KIRREL3: variants seen among roughly 807,000 people sequenced by gnomAD.
The protein encoded by KIRREL3 is kin of IRRE-like protein 3.
Under a neutral mutation model 89.7 loss-of-function variants are expected in KIRREL3, and 36 were observed. The ratio of observed to expected loss-of-function variants is 0.40; its 90% CI spans 0.31 to 0.53. KIRREL3 has a LOEUF of 0.53. KIRREL3 is among the 20% of genes least tolerant of loss of function. The pLI, the probability that KIRREL3 is intolerant of heterozygous loss-of-function variation, is 0.49. For missense variants in KIRREL3, 864 were observed against 1,056.6 expected (o/e 0.82, Z 2.53); for synonymous variants, 445 against 441.4 (o/e 1.01, Z -0.10).
At position 126,891,597 on chromosome 11, in the gene KIRREL3, C is replaced by CA. The variant is rs1438944210; in HGVS notation, c.55+108857dup. Among the ~76,000 whole-genome samples the CA allele has an allele frequency of 2.0e-5, 3 of 152,220 alleles. No individual in the cohort carries two copies. In the East Asian group the frequency reaches 5.8e-4, roughly 29 times the overall value. ...TGCTATCACTATCACTGTCAGGGAG[C>CA]AAACGGCAGAAGCCAGTCTCAGGGA... is the stretch of plus-strand genomic sequence containing the variant. On this transcript the variant is annotated intron_variant, in intron 1 of 16. Coordinates refer to ENST00000525144, the MANE Select transcript of KIRREL3 (RefSeq NM_032531.4). This position sits in a 1 kb window ranked among gnomAD's most constrained non-coding sequence, Gnocchi z 5.1.
At chr11:126,921,622 CTTCCTATCT>C (rs1565419610) in intron 1 of KIRREL3, among the ~76,000 whole-genome samples, 24,815 of 107,200 alleles carry the variant, frequency 0.23, 6,129 homozygotes, top group African/African-American at 0.45. Context: ...ATCTATCTAT[CTTCCTATCT>C]ATCCATCCAT....
At chr11:126,447,047 C>A (rs532396072) in intron 8 of KIRREL3, among the ~76,000 whole-genome samples, 161 bp from the exon 9 acceptor site, 2 of 152,130 alleles carry the variant, frequency 1.3e-5, no homozygotes, top group South Asian at 2.1e-4. Flanking sequence ...TATGTCCGGG[C>A]GGGGTCTGGG....
At chr11:126,887,632 A>G (rs140759081) in intron 1 of KIRREL3, among the ~76,000 whole-genome samples, 145 of 152,166 alleles carry the variant, frequency 9.5e-4, no homozygotes, top group Admixed American at 2.5e-3. Context: ...AGGGTCCCCA[A>G]TGTGGCCAAG....
Position 126,709,246 on chromosome 11 carries a change from C to A in KIRREL3, c.56-146334G>T, listed in dbSNP as rs1052584576. Among the ~76,000 whole-genome samples, 1 of 152,214 alleles carries A rather than the reference C, an allele frequency of 6.6e-6. No individual in the cohort carries two copies. The highest frequency in any genetic ancestry group is 1.5e-5 in the Non-Finnish European group (1 of 68,030). ...AGTCCTCTTCCTGGCATTCAGAACTCGCCCCAAAATATGGCTGCCTTGACT... is the reference window on the plus strand; with the variant it reads ...AGTCCTCTTCCTGGCATTCAGAACTAGCCCCAAAATATGGCTGCCTTGACT... On this transcript the variant is annotated intron_variant, in intron 1 of 16. Transcript: ENST00000525144. The surrounding 1 kb of genome is among the most constrained non-coding windows in gnomAD (Gnocchi z 4.0).
In KIRREL3 at chr11:126,571,858, G is replaced by A. The variant is rs972227443; in HGVS notation, c.56-8946C>T. Reference sequence around the variant, plus strand: ...TGCCTCAGCCCGTCTCTGATTTAACGTATCTAATTCCAATGAGTTACTTGC... The same window carrying A: ...TGCCTCAGCCCGTCTCTGATTTAACATATCTAATTCCAATGAGTTACTTGC... On this transcript the variant is annotated intron_variant, in intron 1 of 16. Transcript: ENST00000525144. The surrounding 1 kb of genome is among the most constrained non-coding windows in gnomAD (Gnocchi z 7.7). Among the ~76,000 whole-genome samples the A allele has an allele frequency of 1.1e-4, 16 of 152,190 alleles. No homozygotes were observed. Among genetic ancestry groups the A allele is most frequent in the Admixed American group, 2.0e-4 (3 of 15,280 alleles).
At position 126,624,336 on chromosome 11, in the gene KIRREL3, AAAAAC is replaced by A. The variant is rs757657777; in HGVS notation, c.56-61429_56-61425del. On this transcript the variant is annotated intron_variant, in intron 1 of 16. Transcript: ENST00000525144. This position sits in a 1 kb window ranked among gnomAD's most constrained non-coding sequence, Gnocchi z 6.0. ...TCTTCTCCTCTGATTTCCACTAGGA[AAAAAC>A]AAAACAAAACAAAACAAAACCTGAG... 9.9e-5 allele frequency among the ~76,000 whole-genome samples: 15 copies of A among 152,244 alleles called. No homozygotes were observed. In the East Asian group the frequency reaches 1.9e-3, roughly 20 times the overall value.
At position 126,867,724 on chromosome 11, in the gene KIRREL3, TG is replaced by T. The variant is rs750982273; in HGVS notation, c.55+132730del. On this transcript the variant is annotated intron_variant, in intron 1 of 16. Transcript: ENST00000525144. The surrounding 1 kb of genome is among the most constrained non-coding windows in gnomAD (Gnocchi z 4.7). ...TATTTAAAGCTACATTCAGCTAGGA[TG>T]TAAGTTGGCCAGAATCTGAACCCAG... Among the ~76,000 whole-genome samples, 5 of 152,190 alleles carry T rather than the reference TG, an allele frequency of 3.3e-5. No individual in the cohort carries two copies. The highest frequency in any genetic ancestry group is 7.3e-5 in the Non-Finnish European group (5 of 68,028).
intron 5 of KIRREL3, among the ~76,000 whole-genome samples, chr11:126,470,990 T>TA (rs1365923767): frequency 6.6e-6 from 1 of 152,194 alleles, no homozygotes; most frequent in African/African-American, 2.4e-5. Flanking sequence ...GGGGGCTGTT[T>TA]AAAAATGTAC....
chr11:126,430,930 G>A lies in KIRREL3; in HGVS notation c.1696+489C>T. 1.0e-6 allele frequency: 1 copy of A among 1,004,754 alleles called. No individual in the cohort carries two copies. Among genetic ancestry groups the A allele is most frequent in the Non-Finnish European group, 1.2e-6 (1 of 838,058 alleles). 62.2% of individuals were successfully genotyped at this position (1,004,754 alleles called of 1,614,324 possible). On this transcript the variant is annotated intron_variant, in intron 14 of 16. Transcript: ENST00000525144. The surrounding 1 kb of genome is among the most constrained non-coding windows in gnomAD (Gnocchi z 6.6). The stretch of plus-strand genomic sequence containing the variant: ...CACTAGAATTTTATTGGTAATCACT[G>A]AAGACCTTTAAAAGTTTTCTCAAAG...
rs1359663226 is a variant in KIRREL3 at position 126,523,200 on chromosome 11, G to A, written c.284-1736C>T. 1.3e-5 allele frequency among the ~76,000 whole-genome samples: 2 copies of A among 152,094 alleles called. No individual in the cohort carries two copies. The highest frequency in any genetic ancestry group is 2.1e-4 in the South Asian group (1 of 4,822). Reference sequence around the variant, plus strand: ...AGAGTGTAGTGAGGTCCCCATCACTGGCTGTATTCAAGCAGAGGTTGGATG... The same window carrying A: ...AGAGTGTAGTGAGGTCCCCATCACTAGCTGTATTCAAGCAGAGGTTGGATG... On this transcript the variant is annotated intron_variant, in intron 3 of 16. Transcript: ENST00000525144. The surrounding 1 kb of genome is among the most constrained non-coding windows in gnomAD (Gnocchi z 4.9).
At chr11:126,925,361 G>A (rs1381517220) in intron 1 of KIRREL3, among the ~76,000 whole-genome samples, 1 of 152,338 alleles carries the variant, frequency 6.6e-6, no homozygotes. Flanking sequence ...GGTGGCGGGG[G>A]GAGCATGGCA....
In KIRREL3 at chr11:126,772,788, G is replaced by A. The variant is rs143945641; in HGVS notation, c.56-209876C>T. On this transcript the variant is annotated intron_variant, in intron 1 of 16. Coordinates refer to ENST00000525144, the MANE Select transcript of KIRREL3 (RefSeq NM_032531.4). The surrounding 1 kb of genome is among the most constrained non-coding windows in gnomAD (Gnocchi z 4.6). ...CTTCTGCTTCCTCCTGCCCTGAGGA[G>A]TTTCTTCCTCTGATTCCTTGGTTTT... Among the ~76,000 whole-genome samples, 1,148 of 152,286 alleles carry A rather than the reference G, an allele frequency of 7.5e-3. 10 individuals are homozygous for A. Among genetic ancestry groups the A allele is most frequent in the African/African-American group, 0.027 (1,103 of 41,572 alleles).
chr11:126,632,236 T>C (rs1172792027), intron 1 of KIRREL3, among the ~76,000 whole-genome samples: 1 of 152,226 alleles, frequency 6.6e-6, no homozygotes, highest in African/African-American at 2.4e-5. Flanking sequence ...GCTGAATTTC[T>C]CTAATCAGGG....
intron 1 of KIRREL3, among the ~76,000 whole-genome samples, chr11:126,589,671 G>A (rs113475227): frequency 1.3e-5 from 2 of 152,272 alleles, no homozygotes; most frequent in African/African-American, 2.4e-5. Context: ...ACATCTCGTC[G>A]CTCTGGCACT....
At chr11:126,749,011 TCTC>T (rs1949247110) in intron 1 of KIRREL3, among the ~76,000 whole-genome samples, 1 of 152,144 alleles carries the variant, frequency 6.6e-6, no homozygotes, top group Non-Finnish European at 1.5e-5. Flanking sequence ...CAGCTTTTCA[TCTC>T]CTCTCCCTGC....
chr11:126,604,739 T>C (rs1591806437), intron 1 of KIRREL3, among the ~76,000 whole-genome samples: 1 of 152,192 alleles, frequency 6.6e-6, no homozygotes, highest in East Asian at 1.9e-4. Context: ...AACAAGCGTG[T>C]CTGAGCTTTG....
chr11:126,958,839 T>C (rs1949000130), intron 1 of KIRREL3, among the ~76,000 whole-genome samples: 2 of 152,232 alleles, frequency 1.3e-5, no homozygotes, highest in Admixed American at 1.3e-4. Context: ...CCCCTTGTGA[T>C]GGTTAATTTT....
In KIRREL3 at chr11:126,652,994, T is replaced by C. The variant is rs1255098343; in HGVS notation, c.56-90082A>G. The stretch of plus-strand genomic sequence containing the variant: ...ATTCATTCATGCATTCAGCAGCCAG[T>C]ATTTGTTAAATGTCTCCTACACTCT... On this transcript the variant is annotated intron_variant, in intron 1 of 16. Transcript: ENST00000525144. The surrounding 1 kb of genome is among the most constrained non-coding windows in gnomAD (Gnocchi z 4.9). 2 of 152,126 alleles carry C rather than the reference T, an allele frequency of 1.3e-5. No homozygotes were observed. Among genetic ancestry groups the C allele is most frequent in the Admixed American group, 1.3e-4 (2 of 15,276 alleles). The allele number at this position is 152,126 out of a possible 1,614,324, so 9.4% of individuals were successfully genotyped here. A position where few individuals can be genotyped will look rare whatever the true frequency, so the allele number is the denominator to read the frequency against.
intron 1 of KIRREL3, among the ~76,000 whole-genome samples, chr11:126,711,118 C>T (rs1947738367): frequency 6.6e-6 from 1 of 152,196 alleles, no homozygotes; most frequent in African/African-American, 2.4e-5. Flanking sequence ...ACAGTGACTG[C>T]AGGAGAATCT....
Sources: allele counts gnomAD v4.1 joint callset (sites outside exome capture counted in the v4.1 genomes callset), GRCh38; gene constraint gnomAD v4.1.1; non-coding constraint Gnocchi (gnomAD v3.1); transcripts MANE v1.5; gene names NCBI Gene and HGNC (gene_info 2026-07-23, HGNC 2026-07-21).